HECTD4: variants seen among roughly 807,000 people sequenced by gnomAD.
HECTD4 encodes probable E3 ubiquitin-protein ligase HECTD4.
Under a neutral mutation model 471.5 loss-of-function variants are expected in HECTD4, and 114 were observed. The observed-to-expected ratio is 0.24, with a 90% CI of 0.21 to 0.28. The LOEUF is 0.28. Ranked by LOEUF, HECTD4 falls within the 10% of genes least tolerant of loss-of-function variation. The pLI is 1.00. For missense variants in HECTD4, 3,866 were observed against 5,651.5 expected (o/e 0.68, Z 10.13); for synonymous variants, 2,012 against 2,256.0 (o/e 0.89, Z 3.07).
At chr12:112,362,323 G>A (rs552187495) in intron 1 of HECTD4, among the ~76,000 whole-genome samples, 1 of 152,280 alleles carries the variant, frequency 6.6e-6, no homozygotes, top group South Asian at 2.1e-4. Flanking sequence ...AACATGTTAA[G>A]TTTCTAAGTA....
intron 2 of HECTD4, among the ~76,000 whole-genome samples, chr12:112,318,152 C>A (rs1392590978): frequency 6.6e-6 from 1 of 151,652 alleles, no homozygotes; most frequent in Non-Finnish European, 1.5e-5. Context: ...GTAATCCCAG[C>A]TACTTGGGAG....
intron 13 of HECTD4, 164 bp from the exon 14 acceptor site, chr12:112,267,146 G>C (rs1237891449): frequency 5.1e-6 from 3 of 588,368 alleles, no homozygotes; most frequent in Non-Finnish European, 9.2e-6. Flanking sequence ...GGCTGATCTG[G>C]CTGGCTAGGC....
intron 1 of HECTD4, among the ~76,000 whole-genome samples, chr12:112,345,728 T>A (rs2036136194): frequency 1.3e-5 from 2 of 152,102 alleles, no homozygotes; most frequent in South Asian, 4.1e-4. Context: ...ACCCCGTCTC[T>A]ACTAAAAATA....
intron 11 of HECTD4, among the ~76,000 whole-genome samples, chr12:112,271,257 C>T (rs1339718935): frequency 1.3e-5 from 2 of 152,188 alleles, no homozygotes; most frequent in African/African-American, 4.8e-5. Flanking sequence ...TCTACATGAA[C>T]TGGCTTTGGT....
intron 1 of HECTD4, among the ~76,000 whole-genome samples, chr12:112,348,755 GA>G (rs1195868205): frequency 6.6e-6 from 1 of 150,880 alleles, no homozygotes; most frequent in African/African-American, 2.4e-5. Flanking sequence ...ATCTTTTGGG[GA>G]AAAAAAAGTG....
chr12:112,197,758 TA>T (rs1218141665), intron 55 of HECTD4, among the ~76,000 whole-genome samples: 13 of 152,092 alleles, frequency 8.5e-5, no homozygotes, highest in Admixed American at 7.2e-4. Context: ...AGTTGTTTGC[TA>T]AAAAAAATGA....
intron 7 of HECTD4, among the ~76,000 whole-genome samples, chr12:112,290,482 C>T (rs1052354558): frequency 2.0e-4 from 31 of 151,674 alleles, no homozygotes; most frequent in African/African-American, 7.3e-4. Context: ...ACTGTGATCA[C>T]ACCATTCCAC....
At chr12:112,369,120 G>A (rs913871821) in intron 1 of HECTD4, among the ~76,000 whole-genome samples, 49 of 152,122 alleles carry the variant, frequency 3.2e-4, no homozygotes, top group African/African-American at 9.6e-4. Flanking sequence ...TGTATTAACC[G>A]GATTACTGAC....
At chr12:112,175,958 C>T in intron 65 of HECTD4, 99 bp from the exon 66 acceptor site, 1 of 1,444,292 alleles carries the variant, frequency 6.9e-7, no homozygotes, top group Non-Finnish European at 9.5e-7. Context: ...CCCTACGGCC[C>T]AACCCATCTA....
In HECTD4 at chr12:112,239,033, A is replaced by C. The variant is rs2033580482; in HGVS notation, c.5290+19T>G. 6.3e-7 allele frequency: 1 copy of C among 1,599,780 alleles called. No individual in the cohort carries two copies. Among genetic ancestry groups the C allele is most frequent in the African/African-American group, 1.3e-5 (1 of 74,466 alleles). On this transcript the variant is annotated intron_variant, in intron 34 of 75. Coordinates refer to ENST00000682272, the MANE Select transcript of HECTD4 (RefSeq NM_001388303.1). The surrounding 1 kb of genome is among the most constrained non-coding windows in gnomAD (Gnocchi z 4.9). ...ATAGAAGAAATCAGTGAGCTCTAGA[A>C]AGGAGTCTGGCATCTCACCTTCCTC... is the stretch of plus-strand genomic sequence containing the variant.
chr12:112,216,628 T>C, intron 47 of HECTD4, 145 bp downstream of exon 47: 1 of 1,011,898 alleles, frequency 9.9e-7, no homozygotes, highest in East Asian at 2.5e-5. Context: ...TAATGTGCAC[T>C]GGAAATCTCC....
chr12:112,176,143 C>A (rs1391270188), intron 65 of HECTD4, among the ~76,000 whole-genome samples: 5 of 152,252 alleles, frequency 3.3e-5, no homozygotes, highest in African/African-American at 1.2e-4. Context: ...CCCCGACTGA[C>A]AAAGCAATTT....
Position 112,219,506 on chromosome 12 carries a change from T to C in HECTD4, c.6971-17A>G, listed in dbSNP as rs569420853. 3.1e-5 allele frequency: 49 copies of C among 1,594,458 alleles called. No homozygotes were observed. In the East Asian group the frequency reaches 1.1e-3, roughly 34 times the overall value. On this transcript the variant is annotated splice_polypyrimidine_tract_variant and intron_variant, in intron 44 of 75. Transcript: ENST00000682272. ...GTCGCTCTCCTGTAGAGGGCACATG[T>C]TGAATCTGTGAAAACAACTCCCGCA...
chr12:112,203,395 T>A (rs2032487556), intron 54 of HECTD4: 1 of 408,266 alleles, frequency 2.4e-6, no homozygotes, highest in South Asian at 3.8e-5. Flanking sequence ...GGTGGTGTGG[T>A]CTGAAGGCGG....
At chr12:112,192,167 A>G (rs2032101956) in intron 59 of HECTD4, among the ~76,000 whole-genome samples, 1 of 152,246 alleles carries the variant, frequency 6.6e-6, no homozygotes, top group Non-Finnish European at 1.5e-5. Flanking sequence ...CACAGTGGCC[A>G]GTGCCCTGGG....
intron 20 of HECTD4, among the ~76,000 whole-genome samples, chr12:112,257,615 C>T (rs1227193227): frequency 2.6e-5 from 4 of 152,024 alleles, no homozygotes; most frequent in Non-Finnish European, 5.9e-5. Context: ...GCTTCTTTCA[C>T]TCAGGGTTAA....
chr12:112,366,216 T>C (rs1167921393), intron 1 of HECTD4, among the ~76,000 whole-genome samples: 2 of 152,020 alleles, frequency 1.3e-5, no homozygotes, highest in African/African-American at 2.4e-5. Context: ...CAAAAAAAAA[T>C]TGTTCCATTT....
At chr12:112,358,266 T>C (rs1389220179) in intron 1 of HECTD4, among the ~76,000 whole-genome samples, 1 of 152,088 alleles carries the variant, frequency 6.6e-6, no homozygotes, top group Non-Finnish European at 1.5e-5. Flanking sequence ...AGGAATAAAA[T>C]AATGTGGTCA....
chr12:112,295,132 C>A (rs2034977670), intron 7 of HECTD4, among the ~76,000 whole-genome samples: 1 of 127,850 alleles, frequency 7.8e-6, no homozygotes, highest in African/African-American at 3.8e-5. Flanking sequence ...TAGCGAAATC[C>A]CGTCTGAAAA....
Sources: allele counts gnomAD v4.1 joint callset (sites outside exome capture counted in the v4.1 genomes callset), GRCh38; gene constraint gnomAD v4.1.1; non-coding constraint Gnocchi (gnomAD v3.1); transcripts MANE v1.5; gene names NCBI Gene and HGNC (gene_info 2026-07-23, HGNC 2026-07-21).